SYNRG: variants seen among roughly 807,000 people sequenced by gnomAD.
The protein encoded by SYNRG is synergin gamma, also known as AP1 gamma subunit binding protein 1.
A neutral mutation model predicts 130.9 loss-of-function variants in SYNRG; 37 were observed. The observed-to-expected ratio is 0.28, with a 90% CI of 0.22 to 0.37. The LOEUF is 0.37. Among genes scored for constraint, SYNRG ranks in the 10% least tolerant of loss-of-function variants. SYNRG has a pLI of 1.00. For synonymous variants in SYNRG, 539 were observed against 568.1 expected, an observed-to-expected ratio of 0.95 and a Z score of 0.73; for missense variants, 1,338 against 1,588.9, an observed-to-expected ratio of 0.84 and a Z score of 2.68.
rs753977025 is a variant in SYNRG, at chr17:37,538,349, T to C, written c.3492A>G (p.Ser1164=). ...SSSVCTEVIQ[S]AQGMEYLLGV... The stretch of plus-strand genomic sequence containing the variant: ...CTAATAAATATTCCATGCCTTGAGC[T>C]GACTGAATTACTTCTGTGCAAACAG... The change falls in exon 18 of 22, where the codon TCA becomes TCG. Residue 1164 remains serine (S), a synonymous_variant. Transcript: ENST00000612223. 1 of 1,610,238 alleles carries C rather than the reference T, an allele frequency of 6.2e-7. No individual in the cohort carries two copies. Among genetic ancestry groups the C allele is most frequent in the East Asian group, 2.2e-5 (1 of 44,740 alleles).
At position 37,542,303 on chromosome 17, in the gene SYNRG, T is replaced by C; in HGVS notation, c.2871A>G (p.Pro957=). 1 of 1,614,228 alleles carries C rather than the reference T, an allele frequency of 6.2e-7. No homozygotes were observed. The highest frequency in any genetic ancestry group is 1.3e-5 in the African/African-American group (1 of 75,050). Residue 957 remains proline, a synonymous_variant, in exon 15 of 22, where the codon CCA becomes CCG. Coordinates refer to ENST00000612223, the MANE Select transcript of SYNRG (RefSeq NM_007247.6). The stretch of plus-strand genomic sequence containing the variant: ...TGGCAAGAGCTGGGAAGGTGGTCTC[T>C]GGAAGAGCATCTTCACTTACAAAGG... ...VTTFVSEDAL[P]ETTFPALASF...
At position 37,571,823 on chromosome 17, in the gene SYNRG, A is replaced by G; in HGVS notation, c.1066T>C (p.Tyr356His). 6.2e-7 allele frequency: 1 copy of G among 1,614,100 alleles called. No individual in the cohort carries two copies. The highest frequency in any genetic ancestry group is 8.5e-7 in the Non-Finnish European group (1 of 1,180,012). The change falls in exon 9 of 22, where the codon TAT becomes CAT. Residue 356 changes from tyrosine (Y) to histidine (H), a missense_variant. Coordinates refer to ENST00000612223, the MANE Select transcript of SYNRG (RefSeq NM_007247.6). ...TPGKLTKEEL[Y>H]TVLAMIAVTQ... Reference sequence around the variant, plus strand: ...ACCGCTATCATGGCTAGAACGGTATAAAGTTCTTCTTTTGTAAGTTTGCCA... The same window carrying G: ...ACCGCTATCATGGCTAGAACGGTATGAAGTTCTTCTTTTGTAAGTTTGCCA...
chr17:37,608,636 T>G (rs193013057), intron 1 of SYNRG, among the ~76,000 whole-genome samples: 1 of 152,332 alleles, frequency 6.6e-6, no homozygotes, highest in African/African-American at 2.4e-5. Context: ...CAGTGCACTT[T>G]CTTTGTTTTT....
chr17:37,571,722 A>G (rs528447664), intron 9 of SYNRG, 69 bp downstream of exon 9: 1 of 1,430,014 alleles, frequency 7.0e-7, no homozygotes, highest in South Asian at 1.4e-5. Context: ...AATGTAGTAA[A>G]AAAGATTTCA....
At position 37,570,724 on chromosome 17, in the gene SYNRG, T is replaced by G. The variant is rs988960623; in HGVS notation, c.1260A>C (p.Pro420=). 8.1e-6 allele frequency: 13 copies of G among 1,614,106 alleles called. No individual in the cohort carries two copies. In the African/African-American group the frequency reaches 1.6e-4, roughly 20 times the overall value. ...GTCCAACAAGGTTAATGCCCATGAC[T>G]GGCTGTCCAAGGCTGAGGGGCATGG... ...AGSMPLSLGQ[P]VMGINLVGPV... is the part of the protein sequence containing the mutation. Residue 420 remains proline, a synonymous_variant, in exon 10 of 22, where the codon CCA becomes CCC. Coordinates refer to ENST00000612223, the MANE Select transcript of SYNRG (RefSeq NM_007247.6).
At chr17:37,540,312 A>T in intron 16 of SYNRG, 68 bp downstream of exon 16, 15 of 1,504,996 alleles carry the variant, frequency 1.0e-5, no homozygotes, top group Non-Finnish European at 1.4e-5. Context: ...AGCTGACAGC[A>T]TTCTTTCTTG....
chr17:37,577,653 A>T, intron 6 of SYNRG, 40 bp from the exon 7 acceptor site: 10 of 1,357,104 alleles, frequency 7.4e-6, no homozygotes, highest in African/African-American at 1.5e-5. Flanking sequence ...ATATAACTGT[A>T]TATGTCTAAT....
At chr17:37,541,165 G>A (rs1235796559) in intron 15 of SYNRG, 22 of 985,388 alleles carry the variant, frequency 2.2e-5, no homozygotes, top group Non-Finnish European at 2.7e-5. Context: ...ATATCAGTAT[G>A]TAAGAGTTGT....
chr17:37,571,955 T>A lies in SYNRG; in HGVS notation c.934A>T (p.Thr312Ser). 1 of 1,612,080 alleles carries A rather than the reference T, an allele frequency of 6.2e-7. No individual in the cohort carries two copies. Among genetic ancestry groups the A allele is most frequent in the Non-Finnish European group, 8.5e-7 (1 of 1,179,506 alleles). Reference sequence around the variant, plus strand: ...TTGGCAGTATCTATTCCAGTTGGAGTCATTGTGGTTTCTAAGATTTTCTTA... The same window carrying A: ...TTGGCAGTATCTATTCCAGTTGGAGACATTGTGGTTTCTAAGATTTTCTTA... ...AYKKILETTM[T>S]PTGIDTAKLY... The change falls in exon 9 of 22, where the codon ACT becomes TCT. Residue 312 changes from threonine to serine, a missense_variant. Coordinates refer to ENST00000612223, the MANE Select transcript of SYNRG (RefSeq NM_007247.6).
At position 37,571,896 on chromosome 17, in the gene SYNRG, G is replaced by A; in HGVS notation, c.993C>T (p.Pro331=). Residue 331 remains proline, a synonymous_variant, in exon 9 of 22, where the codon CCC becomes CCT. Coordinates refer to ENST00000612223, the MANE Select transcript of SYNRG (RefSeq NM_007247.6). ...CCCATATCTGTCCAAGAGTTTCCCTGGGAAGCCCAGATGACATCAGAATGG... is the reference window on the plus strand; with the variant it reads ...CCCATATCTGTCCAAGAGTTTCCCTAGGAAGCCCAGATGACATCAGAATGG... ...LYPILMSSGL[P]RETLGQIWAL... 3 of 1,614,152 alleles carry A rather than the reference G, an allele frequency of 1.9e-6. No individual in the cohort carries two copies. Among genetic ancestry groups the A allele is most frequent in the South Asian group, 1.1e-5 (1 of 91,084 alleles).
At chr17:37,520,702 C>T in intron 19 of SYNRG, 54 bp from the exon 20 acceptor site, 5 of 1,438,148 alleles carry the variant, frequency 3.5e-6, no homozygotes, top group Non-Finnish European at 4.9e-6. Context: ...ACACGCTGTT[C>T]ACTTCACTCC....
In SYNRG at chr17:37,570,833, G is replaced by C. The variant is rs760922462; in HGVS notation, c.1151C>G (p.Pro384Arg). 6.2e-7 allele frequency: 1 copy of C among 1,614,114 alleles called. No homozygotes were observed. The highest frequency in any genetic ancestry group is 1.7e-5 in the Admixed American group (1 of 60,002). Residue 384 changes from proline to arginine, a missense_variant, in exon 10 of 22, where the codon CCT (proline) becomes CGT (arginine). By Grantham distance (103) the Pro-to-Arg change is moderately radical. Around this residue, in one of 3 missense-constraint regions of SYNRG, gnomAD observed 1,146 missense variants for 1,342.3 expected, o/e 0.85. Coordinates refer to ENST00000612223, the MANE Select transcript of SYNRG (RefSeq NM_007247.6). ...PDALNQFPAA[P>R]IPTLSGFSMT... is the part of the protein sequence containing the mutation. Reference sequence around the variant, plus strand: ...AGAAAAGCCACTTAAAGTTGGAATAGGAGCTGCTGGGAACTGGTTTAAAGC... The same window carrying C: ...AGAAAAGCCACTTAAAGTTGGAATACGAGCTGCTGGGAACTGGTTTAAAGC...
intron 13 of SYNRG, among the ~76,000 whole-genome samples, chr17:37,559,269 TAATC>T (rs1463874299): frequency 1.3e-5 from 2 of 152,200 alleles, no homozygotes; most frequent in Non-Finnish European, 2.9e-5. Context: ...GACTATGCCT[TAATC>T]AAGTCATTTT....
intron 16 of SYNRG, among the ~76,000 whole-genome samples, 159 bp from the exon 17 acceptor site, chr17:37,539,404 T>C (rs1181972091): frequency 2.0e-5 from 3 of 152,200 alleles, no homozygotes; most frequent in South Asian, 2.1e-4. Flanking sequence ...TGTTTTGAGA[T>C]AGGGTCTTGC....
At chr17:37,600,278 C>T in intron 2 of SYNRG, 85 bp downstream of exon 2, 1 of 1,272,748 alleles carries the variant, frequency 7.9e-7, no homozygotes, top group South Asian at 1.5e-5. Flanking sequence ...AGCAACAGAA[C>T]TTATTTTCTA....
intron 3 of SYNRG, among the ~76,000 whole-genome samples, chr17:37,587,609 G>C (rs936410888): frequency 6.6e-6 from 1 of 152,098 alleles, no homozygotes. Flanking sequence ...ATCCGATCTT[G>C]TTCATGTCAT....
At chr17:37,554,096 T>C in intron 13 of SYNRG, 37 bp from the exon 14 acceptor site, 1 of 1,568,686 alleles carries the variant, frequency 6.4e-7, no homozygotes, top group Non-Finnish European at 8.6e-7. Context: ...ATGGGAATGC[T>C]GAACTGAAAA....
chr17:37,594,941 T>C (rs1365976743), intron 3 of SYNRG, among the ~76,000 whole-genome samples: 1 of 152,172 alleles, frequency 6.6e-6, no homozygotes, highest in African/African-American at 2.4e-5. Flanking sequence ...CTTTTTCCTA[T>C]GCCAAGAGCC....
intron 19 of SYNRG, among the ~76,000 whole-genome samples, chr17:37,533,403 GA>G (rs368807571): frequency 0.058 from 8,101 of 139,882 alleles, 312 homozygotes; most frequent in Non-Finnish European, 0.085. Flanking sequence ...TCTGTCTGGG[GA>G]AAAAAAAAAA....
Sources: allele counts gnomAD v4.1 joint callset (sites outside exome capture counted in the v4.1 genomes callset), GRCh38; gene constraint gnomAD v4.1.1; regional missense constraint gnomAD v4.1.1; transcripts MANE v1.5; gene names NCBI Gene and HGNC (gene_info 2026-07-23, HGNC 2026-07-21).